Variants in HS6ST3 observed in about 807,000 individuals in gnomAD.
HS6ST3 encodes the protein heparan sulfate 6-O-sulfotransferase 3, also known as heparan-sulfate 6-O-sulfotransferase 3.
HS6ST3 carries 12 observed loss-of-function variants against 36.7 expected under a neutral mutation model. The observed-to-expected ratio is 0.33, with a 90% CI of 0.21 to 0.53. The LOEUF is 0.53. HS6ST3 is among the 20% of genes least tolerant of loss of function. The probability of loss-of-function intolerance (pLI) is 0.95; values close to 1 mark genes in which losing one functional copy is unlikely to be tolerated. For synonymous variants in HS6ST3, 240 were observed against 257.5 expected (o/e 0.93, Z 0.65); for missense variants, 584 against 640.9 (o/e 0.91, Z 0.96).
At chr13:96,492,532 T>C (rs2055951704) in intron 1 of HS6ST3, among the ~76,000 whole-genome samples, 1 of 152,238 alleles carries the variant, frequency 6.6e-6, no homozygotes, top group Non-Finnish European at 1.5e-5. Flanking sequence ...CTCTCTCTCC[T>C]TCCTTGCAGA....
chr13:96,184,241 G>A (rs117884676), intron 1 of HS6ST3, among the ~76,000 whole-genome samples: 3,570 of 121,608 alleles, frequency 0.029, 59 homozygotes, highest in South Asian at 0.072. Context: ...GAGAGAAATA[G>A]AATAGTTAAG....
intron 1 of HS6ST3, among the ~76,000 whole-genome samples, chr13:96,372,770 T>C (rs2055296041): frequency 6.6e-6 from 1 of 152,216 alleles, no homozygotes; most frequent in Non-Finnish European, 1.5e-5. Flanking sequence ...GCAGTATTTA[T>C]TGAAGAGTTC....
At chr13:96,384,146 C>T (rs118169834) in intron 1 of HS6ST3, among the ~76,000 whole-genome samples, 2,180 of 152,230 alleles carry the variant, frequency 0.014, 28 homozygotes, top group East Asian at 0.058. Flanking sequence ...GAACCTCTGA[C>T]GGAGCCATGG....
intron 1 of HS6ST3, among the ~76,000 whole-genome samples, chr13:96,194,189 A>G (rs1166905539): frequency 1.3e-5 from 2 of 152,094 alleles, no homozygotes; most frequent in African/African-American, 2.4e-5. Flanking sequence ...TTCATTGTAT[A>G]TACAATATTG....
chr13:96,122,998 C>G (rs1489803002), intron 1 of HS6ST3, among the ~76,000 whole-genome samples: 2 of 152,134 alleles, frequency 1.3e-5, no homozygotes, highest in Admixed American at 6.5e-5. Flanking sequence ...TAGTTGTCAG[C>G]CCAGACTGGC....
At chr13:96,819,529 T>C (rs1273268451) in intron 1 of HS6ST3, among the ~76,000 whole-genome samples, 1 of 152,216 alleles carries the variant, frequency 6.6e-6, no homozygotes, top group Non-Finnish European at 1.5e-5. Context: ...TTCTTTCTAA[T>C]TCTTAACTAT....
chr13:96,533,301 A>C (rs1408415525), intron 1 of HS6ST3, among the ~76,000 whole-genome samples: 1 of 152,184 alleles, frequency 6.6e-6, no homozygotes, highest in Non-Finnish European at 1.5e-5. Flanking sequence ...AGCCCTCCAC[A>C]TTTATTTACT....
intron 1 of HS6ST3, among the ~76,000 whole-genome samples, chr13:96,516,690 T>C (rs1299384809): frequency 6.6e-6 from 1 of 152,224 alleles, no homozygotes; most frequent in Non-Finnish European, 1.5e-5. Context: ...AGAATTTCAA[T>C]GAACACATTT....
intron 1 of HS6ST3, among the ~76,000 whole-genome samples, chr13:96,459,600 A>C (rs1035911842): frequency 1.2e-4 from 18 of 152,160 alleles, no homozygotes; most frequent in African/African-American, 4.3e-4. Flanking sequence ...GCTGTGTTGC[A>C]GTGTGTTAAT....
At chr13:96,775,476 G>A (rs1251785483) in intron 1 of HS6ST3, among the ~76,000 whole-genome samples, 3 of 150,292 alleles carry the variant, frequency 2.0e-5, no homozygotes, top group African/African-American at 7.4e-5. Context: ...AAAATAAAGG[G>A]ATGGAGGAAG....
At chr13:96,100,662 G>T (rs1022972285) in intron 1 of HS6ST3, among the ~76,000 whole-genome samples, 2 of 152,126 alleles carry the variant, frequency 1.3e-5, no homozygotes, top group Non-Finnish European at 2.9e-5. Flanking sequence ...AGGAGTGGGA[G>T]TGCTTTCTCC....
At chr13:96,157,876 G>A (rs148006323) in intron 1 of HS6ST3, among the ~76,000 whole-genome samples, 2,374 of 152,218 alleles carry the variant, frequency 0.016, 36 homozygotes, top group South Asian at 0.038. Flanking sequence ...CTTTGGAGAC[G>A]CACTGTGAGC....
intron 1 of HS6ST3, among the ~76,000 whole-genome samples, chr13:96,685,907 G>A (rs1342490363): frequency 6.6e-6 from 1 of 152,004 alleles, no homozygotes; most frequent in Non-Finnish European, 1.5e-5. Flanking sequence ...AGAATGAGAT[G>A]TTCAAAGTGC....
chr13:96,553,508 T>C (rs1362050408), intron 1 of HS6ST3, among the ~76,000 whole-genome samples: 2 of 152,190 alleles, frequency 1.3e-5, no homozygotes, highest in African/African-American at 4.8e-5. Flanking sequence ...GAACCCTTCC[T>C]TGAGTTGAAC....
intron 1 of HS6ST3, among the ~76,000 whole-genome samples, chr13:96,248,034 CATCTT>C (rs1196074178): frequency 6.6e-6 from 1 of 152,056 alleles, no homozygotes; most frequent in African/African-American, 2.4e-5. Flanking sequence ...TTAAGATAAT[CATCTT>C]ATAAATCAGA....
chr13:96,477,062 A>T (rs528064478), intron 1 of HS6ST3, among the ~76,000 whole-genome samples: 1 of 152,202 alleles, frequency 6.6e-6, no homozygotes, highest in Non-Finnish European at 1.5e-5. Flanking sequence ...TTAGCCATGT[A>T]GCATTTCATT....
chr13:96,499,093 C>T (rs547246650), intron 1 of HS6ST3, among the ~76,000 whole-genome samples: 13 of 151,258 alleles, frequency 8.6e-5, no homozygotes, highest in African/African-American at 3.2e-4. Context: ...TGGCTCGATC[C>T]CTGCTCACTG....
intron 1 of HS6ST3, among the ~76,000 whole-genome samples, chr13:96,196,591 C>A (rs1159700767): frequency 6.6e-6 from 1 of 152,012 alleles, no homozygotes; most frequent in Non-Finnish European, 1.5e-5. Context: ...CTTTGAGGAG[C>A]ATGCTGATGA....
chr13:96,694,698 C>G (rs1875071580), intron 1 of HS6ST3, among the ~76,000 whole-genome samples: 1 of 152,072 alleles, frequency 6.6e-6, no homozygotes, highest in Admixed American at 6.6e-5. Context: ...TCACCAACAC[C>G]TGTTATTTTT....
Sources: gnomAD v4.1 joint callset for allele counts (sites outside exome capture counted in the v4.1 genomes callset) on GRCh38, gnomAD v4.1.1 for gene constraint, MANE v1.5 for transcripts, NCBI Gene and HGNC (gene_info 2026-07-23, HGNC 2026-07-21) for gene names.